The following ARAP2 variants were observed in gnomAD, a reference collection of about 807,000 sequenced individuals.
The protein encoded by ARAP2 is ArfGAP with RhoGAP domain, ankyrin repeat and PH domain 2, also known as arf-GAP with Rho-GAP domain, ANK repeat and PH domain-containing protein 2.
ARAP2 carries 148 observed loss-of-function variants against 194.5 expected under a neutral mutation model. The observed-to-expected ratio is 0.76, with a 90% CI of 0.67 to 0.87. The LOEUF (loss-of-function observed/expected upper bound fraction) is 0.87. Ranked by LOEUF, ARAP2 falls within the 40% of genes least tolerant of loss-of-function variation. The pLI, the probability that ARAP2 is intolerant of heterozygous loss-of-function variation, is 0.00. For missense variants in ARAP2, 2,128 were observed against 1,989.7 expected (o/e 1.07, Z -1.32); for synonymous variants, 695 against 683.5 (o/e 1.02, Z -0.26).
intron 19 of ARAP2, among the ~76,000 whole-genome samples, chr4:36,140,012 C>T (rs1169293354): frequency 1.3e-5 from 2 of 151,550 alleles, no homozygotes; most frequent in East Asian, 3.9e-4. Context: ...TTTCTCTGAA[C>T]CTATTATTTC....
rs1366542715 is a variant in ARAP2, at chr4:36,107,601, T to G, written c.4249A>C (p.Arg1417=). The change falls in exon 27 of 33, where the codon AGA becomes CGA. Residue 1417 remains arginine, a synonymous_variant. Transcript: ENST00000303965. ...TTAATTGTGTCAGCGGTTAAGAATC[T>G]CTTCACCACCAGGTAAGCAGAGCCA... ...EPGSAYLVVK[R]FLTADTIKHC... 1 of 1,610,658 alleles carries G rather than the reference T, an allele frequency of 6.2e-7. No homozygotes were observed. The highest frequency in any genetic ancestry group is 2.2e-5 in the East Asian group (1 of 44,622).
Position 36,228,858 on chromosome 4 carries a change from G to A in ARAP2, c.629C>T (p.Pro210Leu), listed in dbSNP as rs775879471. Residue 210 changes from proline to leucine, a missense_variant, in exon 2 of 33, where the codon CCT becomes CTT. Pro to Leu is a moderately conservative substitution (Grantham distance 98). Transcript: ENST00000303965. The stretch of plus-strand genomic sequence containing the variant: ...AGAAAGGCATTCAGAGTCTGCATTA[G>A]GGAGCTTACTGAGATTTTCTGTGAT... ...KLITENLSKL[P>L]NADSECLSFV... 3.1e-6 allele frequency: 5 copies of A among 1,614,144 alleles called. No individual in the cohort carries two copies. The highest frequency in any genetic ancestry group is 1.7e-6 in the Non-Finnish European group (2 of 1,180,010).
At position 36,060,598 on chromosome 4, in the gene ARAP2, T is replaced by C. The variant is rs558838071; in HGVS notation, n.148-2455A>G. 2.2e-4 allele frequency among the ~76,000 whole-genome samples: 33 copies of C among 152,312 alleles called. 2 individuals are homozygous for C. In the South Asian group the frequency reaches 6.6e-3, roughly 31 times the overall value. Reference sequence around the variant, plus strand: ...TTAACAAATTAACACAAAAACGTGATGTATTACTTTGCTAAGGTTACCATA... The same window carrying C: ...TTAACAAATTAACACAAAAACGTGACGTATTACTTTGCTAAGGTTACCATA... On this transcript the variant is annotated intron_variant and non_coding_transcript_variant, in intron 1 of 12. Transcript: ENST00000503225.
chr4:36,025,682 G>GAA (rs201201054), intron 5 of ARAP2, among the ~76,000 whole-genome samples: 2 of 134,030 alleles, frequency 1.5e-5, no homozygotes, highest in East Asian at 2.1e-4. Context: ...TTTGCAGAAA[G>GAA]AAAAAAAAAA....
chr4:36,107,779 T>C, intron 26 of ARAP2, 86 bp from the exon 27 acceptor site: 2 of 1,315,276 alleles, frequency 1.5e-6, no homozygotes, highest in South Asian at 3.1e-5. Flanking sequence ...AAAAAATCCA[T>C]TTGAAAACAT....
chr4:36,160,468 T>G lies in ARAP2; in HGVS notation c.2433A>C (p.Glu811Asp). ...ATGTTTAATTGAATACCTTATTTAA[T>G]TCTTCTTTGGTGAGAGATGCCAAAA... ...KTLLASLTKEELNKALCAAVV... is the reference protein window; with the variant it reads ...KTLLASLTKEDLNKALCAAVV... Residue 811 changes from glutamate (E) to aspartate (D), a missense_variant, in exon 13 of 33, where the codon GAA becomes GAC. Coordinates refer to ENST00000303965, the MANE Select transcript of ARAP2 (RefSeq NM_015230.4). 1 of 1,551,288 alleles carries G rather than the reference T, an allele frequency of 6.4e-7. No individual in the cohort carries two copies. Among genetic ancestry groups the G allele is most frequent in the African/African-American group, 1.4e-5 (1 of 70,864 alleles).
intron 8 of ARAP2, among the ~76,000 whole-genome samples, chr4:36,185,167 T>C (rs1396672129): frequency 2.0e-5 from 3 of 152,208 alleles, no homozygotes; most frequent in East Asian, 1.9e-4. Context: ...CAAGACTTTA[T>C]TTACCAAAAC....
At chr4:36,103,570 G>A (rs1473061359) in intron 27 of ARAP2, among the ~76,000 whole-genome samples, 1 of 151,496 alleles carries the variant, frequency 6.6e-6, no homozygotes, top group African/African-American at 2.4e-5. Flanking sequence ...ATAATATATG[G>A]AATAGAAAAA....
rs758987382 is a variant in ARAP2, at chr4:36,158,853, G to C, written c.2629C>G (p.His877Asp). Residue 877 changes from histidine (H) to aspartate (D), a missense_variant, in exon 15 of 33, where the codon CAT becomes GAT. By Grantham distance (81) the His-to-Asp change is moderately conservative. Transcript: ENST00000303965. ...YHNKFSDFPQ[H>D]DIHSEGVLSQ... ...AATACACCCTCGGAATGAATATCAT[G>C]TTGAGGGAAATCTAGAAAAATTAAA... is the stretch of plus-strand genomic sequence containing the variant. The C allele has an allele frequency of 7.6e-6, 12 of 1,585,292 alleles. No homozygotes were observed. Among genetic ancestry groups the C allele is most frequent in the Admixed American group, 1.9e-5 (1 of 52,240 alleles).
At chr4:36,226,469 G>T (rs1205510640) in intron 2 of ARAP2, among the ~76,000 whole-genome samples, 1 of 152,002 alleles carries the variant, frequency 6.6e-6, no homozygotes, top group Non-Finnish European at 1.5e-5. Context: ...TGAGACCAAA[G>T]AATTCTGTAC....
At chr4:36,081,613 T>C (rs970299855) in intron 30 of ARAP2, among the ~76,000 whole-genome samples, 11 of 151,946 alleles carry the variant, frequency 7.2e-5, no homozygotes, top group Admixed American at 3.3e-4. Flanking sequence ...GCATAGAAAA[T>C]ACTCCTCAGT....
At chr4:36,212,519 T>C (rs754655214) in intron 4 of ARAP2, 32 bp from the exon 5 acceptor site, 10 of 1,515,340 alleles carry the variant, frequency 6.6e-6, no homozygotes, top group Middle Eastern at 3.4e-4. Flanking sequence ...AAAAAACACA[T>C]ACTGTTTTGC....
chr4:36,105,601 C>G (rs1022276853), intron 27 of ARAP2, among the ~76,000 whole-genome samples: 1 of 151,968 alleles, frequency 6.6e-6, no homozygotes, highest in African/African-American at 2.4e-5. Context: ...AACGTACCAG[C>G]TGTCACTGTA....
chr4:36,181,580 T>C (rs865941377), intron 8 of ARAP2, among the ~76,000 whole-genome samples: 9 of 152,298 alleles, frequency 5.9e-5, no homozygotes, highest in Middle Eastern at 6.8e-3. Flanking sequence ...ACTTCTGATA[T>C]GTTAATATGA....
intron 19 of ARAP2, among the ~76,000 whole-genome samples, chr4:36,144,350 A>C (rs1220891092): frequency 2.0e-5 from 3 of 151,856 alleles, no homozygotes; most frequent in Non-Finnish European, 4.4e-5. Flanking sequence ...GCATTCCATA[A>C]ATATTAATAA....
chr4:36,164,118 T>C (rs891775119), intron 11 of ARAP2, among the ~76,000 whole-genome samples: 4 of 152,194 alleles, frequency 2.6e-5, no homozygotes, highest in Admixed American at 6.5e-5. Flanking sequence ...GTCTTATACA[T>C]GTTTTTAATT....
At chr4:36,075,178 C>T in intron 31 of ARAP2, among the ~76,000 whole-genome samples, 1 of 152,046 alleles carries the variant, frequency 6.6e-6, no homozygotes, top group East Asian at 1.9e-4. Context: ...TGTGAATTAC[C>T]CTTACACTTT....
At chr4:36,103,536 T>C (rs955104331) in intron 27 of ARAP2, among the ~76,000 whole-genome samples, 2 of 151,608 alleles carry the variant, frequency 1.3e-5, no homozygotes, top group African/African-American at 4.8e-5. Flanking sequence ...GAAGTTTCAT[T>C]CTCCCTATCT....
intron 20 of ARAP2, among the ~76,000 whole-genome samples, chr4:36,129,890 G>C (rs998452225): frequency 1.3e-5 from 2 of 151,442 alleles, no homozygotes; most frequent in Non-Finnish European, 3.0e-5. Flanking sequence ...AAAATAACCC[G>C]AAGGAATTAA....
Sources: allele counts gnomAD v4.1 joint callset (sites outside exome capture counted in the v4.1 genomes callset), GRCh38; gene constraint gnomAD v4.1.1; transcripts MANE v1.5; gene names NCBI Gene and HGNC (gene_info 2026-07-23, HGNC 2026-07-21).